Variants in BPIFB4 observed in about 807,000 individuals in gnomAD.
The protein encoded by BPIFB4 is BPI fold-containing family B member 4.
In BPIFB4, 62 loss-of-function variants were observed where a neutral mutation model predicts 69.2. That is an observed-to-expected ratio of 0.90 (90% confidence interval 0.73 to 1.11). BPIFB4 has a LOEUF of 1.11. Among genes scored for constraint, BPIFB4 ranks in the 50% least tolerant of loss-of-function variants. The pLI is 0.00. For synonymous variants in BPIFB4, 330 were observed against 332.7 expected (o/e 0.99, Z 0.09); for missense variants, 789 against 792.0 (o/e 1.00, Z 0.04).
intron 1 of BPIFB4, among the ~76,000 whole-genome samples, chr20:33,080,187 A>AC (rs201815471): frequency 5.4e-5 from 7 of 128,576 alleles, no homozygotes; most frequent in African/African-American, 1.6e-4. Flanking sequence ...TAGGGAAAGA[A>AC]TTTGGGGGCG....
At chr20:33,103,181 G>T (rs767183152) in intron 15 of BPIFB4, among the ~76,000 whole-genome samples, 167 bp downstream of exon 15, 2 of 152,190 alleles carry the variant, frequency 1.3e-5, no homozygotes, top group Non-Finnish European at 2.9e-5. Flanking sequence ...GACAGATGTA[G>T]AAACTGAGGC....
At chr20:33,089,075 C>G (rs1483694507) in intron 8 of BPIFB4, 46 bp downstream of exon 8, 2 of 1,612,848 alleles carry the variant, frequency 1.2e-6, no homozygotes, top group Non-Finnish European at 1.7e-6. Flanking sequence ...AGGCTTCCCC[C>G]AGACTGAGGG....
intron 17 of BPIFB4, among the ~76,000 whole-genome samples, chr20:33,109,893 G>T (rs1268234086): frequency 6.6e-6 from 1 of 152,064 alleles, no homozygotes; most frequent in Non-Finnish European, 1.5e-5. Flanking sequence ...AATGGCAGCT[G>T]CTATTATTAT....
At position 33,086,002 on chromosome 20, in the gene BPIFB4, G is replaced by A; in HGVS notation, c.783-19G>A. On this transcript the variant is annotated intron_variant, in intron 6 of 17. Coordinates refer to ENST00000375483, the MANE Select transcript of BPIFB4 (RefSeq NM_182519.3). ...CTGGGGGTGACTCATGGTCTCCCTG[G>A]CCCCTTGGCCTCCTCCAGTCTTATT... is the stretch of plus-strand genomic sequence containing the variant. 6.3e-7 allele frequency: 1 copy of A among 1,597,624 alleles called. No homozygotes were observed. The highest frequency in any genetic ancestry group is 8.6e-7 in the Non-Finnish European group (1 of 1,166,666).
intron 17 of BPIFB4, among the ~76,000 whole-genome samples, chr20:33,108,436 T>TATATATATATATATAG (rs1271417747): frequency 1.3e-5 from 2 of 148,514 alleles, no homozygotes; most frequent in African/African-American, 5.0e-5. Context: ...TATATATATA[T>TATATATATATATATAG]AGACATATAT....
intron 10 of BPIFB4, 76 bp downstream of exon 10, chr20:33,090,875 G>T: frequency 6.4e-7 from 1 of 1,559,604 alleles, no homozygotes; most frequent in Non-Finnish European, 8.7e-7. Context: ...GCCCTCCCAG[G>T]GCTTCTGCTG....
intron 9 of BPIFB4, among the ~76,000 whole-genome samples, chr20:33,089,859 G>A (rs148522091): frequency 4.9e-4 from 74 of 152,350 alleles, no homozygotes; most frequent in African/African-American, 1.7e-3. Context: ...AGGAAGCTGG[G>A]TTTGAGCCCC....
At position 33,083,614 on chromosome 20, in the gene BPIFB4, C is replaced by G. The variant is rs778933976; in HGVS notation, c.417C>G (p.Tyr139Ter). 1.2e-6 allele frequency: 2 copies of G among 1,614,036 alleles called. No individual in the cohort carries two copies. The highest frequency in any genetic ancestry group is 1.7e-6 in the Non-Finnish European group (2 of 1,179,974). The change falls in exon 5 of 18, where the codon TAC becomes TAG. Residue 139 changes from tyrosine (Y) to a stop codon, truncating the protein, a stop_gained. Transcript: ENST00000375483. LOFTEE classifies it high-confidence loss of function. ...AYGGHRGLGR[Y>*]RAAPVGRLHR... is the part of the protein sequence containing the mutation. ...GAGGCCACAGGGGCCTCGGGCGATA[C>G]AGGGCAGCACCTGTGGGCAGGCTTC...
chr20:33,097,113 A>C (rs1981777359), intron 12 of BPIFB4, among the ~76,000 whole-genome samples: 1 of 152,132 alleles, frequency 6.6e-6, no homozygotes, highest in Non-Finnish European at 1.5e-5. Context: ...TTTCAGGAAC[A>C]GTGTTCAGAG....
At chr20:33,098,210 C>T (rs535689393) in intron 13 of BPIFB4, among the ~76,000 whole-genome samples, 1 of 152,234 alleles carries the variant, frequency 6.6e-6, no homozygotes, top group African/African-American at 2.4e-5. Flanking sequence ...TAAAGGCTGC[C>T]AAAGTGTTAG....
intron 5 of BPIFB4, 93 bp downstream of exon 5, chr20:33,083,967 C>A: frequency 7.2e-7 from 1 of 1,395,388 alleles, no homozygotes; most frequent in Non-Finnish European, 9.6e-7. Context: ...GAGGGAAGGT[C>A]TTCAGAGCCC....
intron 1 of BPIFB4, among the ~76,000 whole-genome samples, 185 bp downstream of exon 1, chr20:33,079,888 T>C (rs13044428): frequency 0.39 from 59,308 of 152,106 alleles, 12,481 homozygotes; most frequent in African/African-American, 0.55. Flanking sequence ...AGGCCTGGGT[T>C]ATGCCAATTA....
At chr20:33,092,395 C>A (rs1034571262) in intron 10 of BPIFB4, 63 bp from the exon 11 acceptor site, 31 of 1,458,734 alleles carry the variant, frequency 2.1e-5, no homozygotes, top group African/African-American at 2.8e-5. Context: ...CTCACTCCAG[C>A]CTTCAGTCCC....
intron 1 of BPIFB4, among the ~76,000 whole-genome samples, 167 bp from the exon 2 acceptor site, chr20:33,080,301 TG>T (rs1418068394): frequency 6.6e-6 from 1 of 152,154 alleles, no homozygotes; most frequent in Non-Finnish European, 1.5e-5. Flanking sequence ...GGCCATGCCC[TG>T]TGCTGACTCT....
chr20:33,082,477 G>A (rs1292936730), intron 3 of BPIFB4, among the ~76,000 whole-genome samples: 1 of 152,032 alleles, frequency 6.6e-6, no homozygotes, highest in African/African-American at 2.4e-5. Flanking sequence ...GGGATTACAG[G>A]TGCCCACCAC....
In BPIFB4 at chr20:33,082,527, T is replaced by C. The variant is rs187323971; in HGVS notation, c.107-411T>C. 9.1e-3 allele frequency among the ~76,000 whole-genome samples: 1,383 copies of C among 151,982 alleles called. 8 individuals carry two copies. The highest frequency in any genetic ancestry group is 0.013 in the Non-Finnish European group (862 of 67,974). ...TTTTGTATTTTTAGTAGAGACGGGG[T>C]TTCACCATCTTGGCCAGGCTGGTCT... On this transcript the variant is annotated intron_variant, in intron 3 of 17. Coordinates refer to ENST00000375483, the MANE Select transcript of BPIFB4 (RefSeq NM_182519.3).
At chr20:33,080,081 A>C (rs1981184407) in intron 1 of BPIFB4, among the ~76,000 whole-genome samples, 1 of 152,214 alleles carries the variant, frequency 6.6e-6, no homozygotes, top group Non-Finnish European at 1.5e-5. Context: ...GGTTAGGATG[A>C]GGTGAGGAAG....
chr20:33,087,753 C>CACACACACACACACACACA (rs56030970), intron 7 of BPIFB4, among the ~76,000 whole-genome samples: 1 of 140,750 alleles, frequency 7.1e-6, no homozygotes, highest in East Asian at 2.2e-4. Flanking sequence ...CACACACACA[C>CACACACACACACACACACA]AAGCATGCAT....
chr20:33,100,436 T>A lies in BPIFB4; in HGVS notation c.1580T>A (p.Phe527Tyr). 6.2e-7 allele frequency: 1 copy of A among 1,600,720 alleles called. No homozygotes were observed. Among genetic ancestry groups the A allele is most frequent in the Admixed American group, 1.7e-5 (1 of 60,020 alleles). ...TICLIDVDTE[F>Y]LASFSTEGDK... Reference sequence around the variant, plus strand: ...TTCCTTTCCCTCCAGGACACAGAATTCTTGGCCTCATTTTCCACAGAAGGA... The same window carrying A: ...TTCCTTTCCCTCCAGGACACAGAATACTTGGCCTCATTTTCCACAGAAGGA... Residue 527 changes from phenylalanine (F) to tyrosine (Y), a missense_variant, in exon 14 of 18, where the codon TTC becomes TAC. Physicochemically the swap from Phe to Tyr is conservative, Grantham distance 22 (BLOSUM62 3). This residue lies in a region of BPIFB4 where 170 missense variants were observed against 193.6 expected (regional missense o/e 0.88). Coordinates refer to ENST00000375483, the MANE Select transcript of BPIFB4 (RefSeq NM_182519.3).
Sources: allele counts gnomAD v4.1 joint callset (sites outside exome capture counted in the v4.1 genomes callset), GRCh38; gene constraint gnomAD v4.1.1; regional missense constraint gnomAD v4.1.1; transcripts MANE v1.5; gene names NCBI Gene and HGNC (gene_info 2026-07-23, HGNC 2026-07-21).